The following ADAMTS7 variants were observed in gnomAD, a reference collection of about 807,000 sequenced individuals.
The protein encoded by ADAMTS7 is A disintegrin and metalloproteinase with thrombospondin motifs 7.
Under a neutral mutation model 172.6 loss-of-function variants are expected in ADAMTS7, and 89 were observed. That is an observed-to-expected ratio of 0.52 (90% CI 0.43 to 0.61). The LOEUF is 0.61. Among genes scored for constraint, ADAMTS7 ranks in the 20% least tolerant of loss-of-function variants. ADAMTS7 has a pLI of 0.00. For synonymous variants in ADAMTS7, 885 were observed against 978.4 expected (o/e 0.90, Z 1.78); for missense variants, 1,973 against 2,355.6 (o/e 0.84, Z 3.36).
At chr15:78,793,437 G>A (rs755815654) in intron 4 of ADAMTS7, among the ~76,000 whole-genome samples, 42 of 151,146 alleles carry the variant, frequency 2.8e-4, no homozygotes, top group Non-Finnish European at 5.5e-4. Context: ...CACTGCAGCC[G>A]CTGCAGCCTC....
At chr15:78,795,094 C>A (rs1471767020) in intron 4 of ADAMTS7, among the ~76,000 whole-genome samples, 1 of 152,240 alleles carries the variant, frequency 6.6e-6, no homozygotes. Flanking sequence ...CCCAGTTAAC[C>A]ATTGGTGGCT....
chr15:78,766,874 G>T lies in ADAMTS7; in HGVS notation c.3037C>A (p.His1013Asn). 1 of 1,609,408 alleles carries T rather than the reference G, an allele frequency of 6.2e-7. No individual in the cohort carries two copies. Among genetic ancestry groups the T allele is most frequent in the Non-Finnish European group, 8.5e-7 (1 of 1,178,998 alleles). ...PEGSGSGSSS[H>N]ELFNEADFIP... ...AAGTCAGCCTCGTTGAAGAGCTCGT[G>T]GCTGGAGGAGCCGCTGCCTGAGCCT... The change falls in exon 19 of 24, where the codon CAC becomes AAC. Residue 1013 changes from histidine to asparagine, a missense_variant. His to Asn is a moderately conservative substitution (Grantham distance 68). This residue lies in a region of ADAMTS7 where 771 missense variants were observed against 952.6 expected (regional missense o/e 0.81). Transcript: ENST00000388820.
chr15:78,771,959 A>C lies in ADAMTS7; in HGVS notation c.2132-130T>G. On this transcript the variant is annotated intron_variant, in intron 14 of 23. Coordinates refer to ENST00000388820, the MANE Select transcript of ADAMTS7 (RefSeq NM_014272.5). This position sits in a 1 kb window ranked among gnomAD's most constrained non-coding sequence, Gnocchi z 4.9. ...CAAAGCTTTAAAGTCTGAGCTCCCT[A>C]AATTGCTCGGATCTGTCATGGGTCA... 7.3e-7 allele frequency: 1 copy of C among 1,368,604 alleles called. No individual in the cohort carries two copies. The highest frequency in any genetic ancestry group is 1.4e-5 in the African/African-American group (1 of 69,378). 84.8% of individuals were successfully genotyped at this position (1,368,604 alleles called of 1,614,324 possible).
chr15:78,804,997 C>T (rs754317524), intron 1 of ADAMTS7, among the ~76,000 whole-genome samples: 6 of 152,334 alleles, frequency 3.9e-5, no homozygotes, highest in Middle Eastern at 3.4e-3. Flanking sequence ...TGGTCATCAG[C>T]AGTACCTGGA....
chr15:78,801,463 T>C (rs2055724630), intron 1 of ADAMTS7, among the ~76,000 whole-genome samples: 1 of 152,238 alleles, frequency 6.6e-6, no homozygotes, highest in African/African-American at 2.4e-5. Context: ...TTTTGGGTTG[T>C]TGTTCAAATG....
chr15:78,770,596 A>AGGGAGACCGAGGGATATGGTG (rs1245217647), intron 16 of ADAMTS7: 2 of 97,470 alleles, frequency 2.1e-5, no homozygotes, highest in African/African-American at 8.5e-5. Context: ...GGAGGGCTGG[A>AGGGAGACCGAGGGATATGGTG]GGGAGACCGA....
intron 19 of ADAMTS7, chr15:78,764,959 TG>T (rs1187079033): frequency 4.7e-6 from 2 of 426,432 alleles, no homozygotes; most frequent in Non-Finnish European, 8.3e-6. Context: ...CCAGTGTCAT[TG>T]GTGCAGAGGT....
intron 14 of ADAMTS7, among the ~76,000 whole-genome samples, chr15:78,772,124 A>G (rs1248304416): frequency 5.3e-5 from 8 of 152,050 alleles, no homozygotes; most frequent in Non-Finnish European, 7.4e-5. Flanking sequence ...TCTTTCTAAA[A>G]AAACCAAAGT....
intron 6 of ADAMTS7, 129 bp from the exon 7 acceptor site, chr15:78,789,967 C>G: frequency 7.4e-7 from 1 of 1,342,284 alleles, no homozygotes; most frequent in East Asian, 2.5e-5. Context: ...CGTTCTGTGA[C>G]ATGAGGCCAG....
intron 14 of ADAMTS7, among the ~76,000 whole-genome samples, 175 bp downstream of exon 14, chr15:78,772,908 A>C (rs997354600): frequency 6.6e-6 from 1 of 152,236 alleles, no homozygotes; most frequent in Non-Finnish European, 1.5e-5. Flanking sequence ...AGGTCTCTGC[A>C]CATGGGCCAG....
chr15:78,800,408 G>T lies in ADAMTS7; in HGVS notation c.240C>A (p.Ala80=). Residue 80 remains alanine, a synonymous_variant, in exon 2 of 24, where the codon GCC becomes GCA. Transcript: ENST00000388820. ...GCCCGCGGTATTGTAGCTCGTAGAA[G>T]GCGGGCGCGTCTCGGCGCACAGATA... ...RDVSVRRDAP[A]FYELQYRGRE... 6.2e-7 allele frequency: 1 copy of T among 1,607,854 alleles called. No homozygotes were observed. The highest frequency in any genetic ancestry group is 8.5e-7 in the Non-Finnish European group (1 of 1,177,376).
intron 1 of ADAMTS7, among the ~76,000 whole-genome samples, chr15:78,806,091 AACACACACACACAC>A (rs1216857182): frequency 1.3e-3 from 35 of 27,430 alleles, no homozygotes; most frequent in Admixed American, 7.7e-3. Flanking sequence ...CCCCCCCAAA[AACACACACACACAC>A]ACACACACAC....
chr15:78,764,744 C>T, intron 19 of ADAMTS7, 37 bp from the exon 20 acceptor site: 2 of 1,457,090 alleles, frequency 1.4e-6, no homozygotes, highest in Non-Finnish European at 1.8e-6. Flanking sequence ...AGGCAGATCC[C>T]ATCCCCGCCA....
chr15:78,782,151 CT>C (rs2055436809), intron 8 of ADAMTS7, among the ~76,000 whole-genome samples: 1 of 152,088 alleles, frequency 6.6e-6, no homozygotes, highest in Non-Finnish European at 1.5e-5. Context: ...CCTGCCTAGC[CT>C]CCCGAGTAGC....
At position 78,773,282 on chromosome 15, in the gene ADAMTS7, C is replaced by T. The variant is rs2055284146; in HGVS notation, c.2011-79G>A. On this transcript the variant is annotated intron_variant, in intron 13 of 23. Transcript: ENST00000388820. ...CCCCAGCCCCGGGGCCAGCCAGAGT[C>T]AGGAGAAGAAAGCTGGGAGTTGGGG... The T allele has an allele frequency of 3.0e-6, 4 of 1,337,890 alleles. No individual in the cohort carries two copies. In the Admixed American group the frequency reaches 6.1e-5, roughly 20 times the overall value. 82.9% of individuals were successfully genotyped at this position (1,337,890 alleles called of 1,614,324 possible).
At chr15:78,767,809 C>T (rs956866916) in intron 17 of ADAMTS7, among the ~76,000 whole-genome samples, 6 of 152,050 alleles carry the variant, frequency 3.9e-5, no homozygotes, top group African/African-American at 1.4e-4. Flanking sequence ...GCCAGCCTCC[C>T]CTCAGGAAAA....
Position 78,800,376 on chromosome 15 carries a change from A to C in ADAMTS7, c.272T>G (p.Leu91Arg). The change falls in exon 2 of 24, where the codon CTG (leucine) becomes CGG (arginine). Residue 91 changes from leucine (L) to arginine (R), a missense_variant. Transcript: ENST00000388820. Reference sequence around the variant, plus strand: ...CTGATTGGCGGTCAGGTTGAAGCGCAGCTCGCGCCCGCGGTATTGTAGCTC... The same window carrying C: ...CTGATTGGCGGTCAGGTTGAAGCGCCGCTCGCGCCCGCGGTATTGTAGCTC... Reference protein sequence around the residue: ...FYELQYRGRELRFNLTANQHL... With the variant: ...FYELQYRGRERRFNLTANQHL... 2 of 1,606,946 alleles carry C rather than the reference A, an allele frequency of 1.2e-6. No homozygotes were observed.
rs764661208 is a variant in ADAMTS7 at position 78,774,195 on chromosome 15, C to T, written c.1982G>A (p.Arg661Gln). ...ACAGATGCCGTTGATGCAGAGGTCC[C>T]GGCTGGCTCGGACCTGGTAGCAGGG... is the stretch of plus-strand genomic sequence containing the variant. Reference protein sequence around the residue: ...GTPCYQVRASRDLCINGICKN... With the variant: ...GTPCYQVRASQDLCINGICKN... The change falls in exon 13 of 24, where the codon CGG (arginine) becomes CAG (glutamine). Residue 661 changes from arginine to glutamine, a missense_variant. By Grantham distance (43) the Arg-to-Gln change is conservative (BLOSUM62 1). This residue lies in a region of ADAMTS7 where 526 missense variants were observed against 662.9 expected (regional missense o/e 0.79). Coordinates refer to ENST00000388820, the MANE Select transcript of ADAMTS7 (RefSeq NM_014272.5). The T allele has an allele frequency of 7.0e-5, 112 of 1,590,568 alleles. No individual in the cohort carries two copies. Among genetic ancestry groups the T allele is most frequent in the Non-Finnish European group, 8.9e-5 (105 of 1,177,174 alleles).
chr15:78,760,663 G>A (rs926264205), intron 23 of ADAMTS7, among the ~76,000 whole-genome samples: 23 of 152,142 alleles, frequency 1.5e-4, no homozygotes, highest in African/African-American at 4.6e-4. Flanking sequence ...ACACACACAC[G>A]AGTTTCCCAG....
Sources: allele counts gnomAD v4.1 joint callset (sites outside exome capture counted in the v4.1 genomes callset), GRCh38; gene constraint gnomAD v4.1.1; regional missense constraint gnomAD v4.1.1; non-coding constraint Gnocchi (gnomAD v3.1); transcripts MANE v1.5; gene names NCBI Gene and HGNC (gene_info 2026-07-23, HGNC 2026-07-21).